The following ELOVL6 variants were observed in gnomAD, a reference collection of about 807,000 sequenced individuals.
ELOVL6 encodes the protein very long chain fatty acid elongase 6.
In ELOVL6, 8 loss-of-function variants were observed where a neutral mutation model predicts 31.7. The ratio of observed to expected loss-of-function variants is 0.25; its 90% CI spans 0.15 to 0.45. ELOVL6 has a LOEUF of 0.45. Among genes scored for constraint, ELOVL6 ranks in the 20% least tolerant of loss-of-function variants. ELOVL6 has a pLI of 1.00. For missense variants in ELOVL6, 126 were observed against 326.4 expected (o/e 0.39, Z 4.73); for synonymous variants, 101 against 117.7 (o/e 0.86, Z 0.92).
chr4:110,141,784 T>G (rs1181460004), intron 1 of ELOVL6, among the ~76,000 whole-genome samples: 3 of 146,472 alleles, frequency 2.0e-5, no homozygotes, highest in African/African-American at 7.5e-5. Flanking sequence ...ACAGTATATA[T>G]GTATATATAC....
intron 1 of ELOVL6, chr4:110,117,814 G>T (rs1331778255): frequency 1.6e-5 from 2 of 124,832 alleles, no homozygotes; most frequent in African/African-American, 3.0e-5. Context: ...CCCGGGAGGC[G>T]GAGCTTACAG....
intron 1 of ELOVL6, among the ~76,000 whole-genome samples, chr4:110,144,606 C>T (rs141753556): frequency 3.9e-5 from 6 of 152,130 alleles, no homozygotes; most frequent in African/African-American, 1.2e-4. Flanking sequence ...CTCTTTCCAA[C>T]TTTACACTGG....
At chr4:110,159,876 A>G (rs1265228746) in intron 1 of ELOVL6, among the ~76,000 whole-genome samples, 1 of 152,188 alleles carries the variant, frequency 6.6e-6, no homozygotes, top group African/African-American at 2.4e-5. Flanking sequence ...TTTTTCCGTT[A>G]TGAGTATATT....
chr4:110,073,177 A>T (rs57700461), intron 2 of ELOVL6, among the ~76,000 whole-genome samples: 2,160 of 152,280 alleles, frequency 0.014, 57 homozygotes, highest in African/African-American at 0.048. Flanking sequence ...AAATCTATGT[A>T]TACCTTTATC....
intron 2 of ELOVL6, among the ~76,000 whole-genome samples, chr4:110,060,812 A>G (rs1028491031): frequency 9.9e-5 from 15 of 152,232 alleles, no homozygotes; most frequent in Non-Finnish European, 1.5e-4. Flanking sequence ...TGAGAGATCA[A>G]TGAATGAACA....
intron 1 of ELOVL6, among the ~76,000 whole-genome samples, chr4:110,152,047 T>A (rs1046106163): frequency 6.6e-6 from 1 of 152,046 alleles, no homozygotes; most frequent in Non-Finnish European, 1.5e-5. Flanking sequence ...TAAAAGGGAG[T>A]TTAATACAGA....
In ELOVL6 at chr4:110,165,245, T is replaced by C. The variant is rs553527442; in HGVS notation, c.89+33002A>G. Among the ~76,000 whole-genome samples, 4 of 152,340 alleles carry C rather than the reference T, an allele frequency of 2.6e-5. No individual in the cohort carries two copies. In the South Asian group the frequency reaches 8.3e-4, roughly 32 times the overall value. The stretch of plus-strand genomic sequence containing the variant: ...AGAAAACAATACCAGGGCACCTGTT[T>C]AGTGGAACCATGTGCTATTGCCATT... On this transcript the variant is annotated intron_variant, in intron 1 of 3. Coordinates refer to ENST00000302274, the MANE Select transcript of ELOVL6 (RefSeq NM_024090.3).
intron 1 of ELOVL6, among the ~76,000 whole-genome samples, chr4:110,121,857 A>G (rs1757367582): frequency 6.7e-6 from 1 of 150,024 alleles, no homozygotes; most frequent in Non-Finnish European, 1.5e-5. Flanking sequence ...ATTTTTGGAC[A>G]TAGAGAGAAA....
chr4:110,081,168 C>T (rs1275330146), intron 2 of ELOVL6, among the ~76,000 whole-genome samples: 3 of 152,108 alleles, frequency 2.0e-5, no homozygotes, highest in Non-Finnish European at 2.9e-5. Flanking sequence ...CCATACTGCC[C>T]AAGGTAATTT....
In ELOVL6 at chr4:110,095,549, C is replaced by T. The variant is rs143005489; in HGVS notation, c.221+9948G>A. Among the ~76,000 whole-genome samples the T allele has an allele frequency of 8.5e-3, 1,282 of 150,334 alleles. 22 individuals are homozygous for T. The highest frequency in any genetic ancestry group is 0.03 in the African/African-American group (1,203 of 40,764). On this transcript the variant is annotated intron_variant, in intron 2 of 3. Transcript: ENST00000302274. Reference sequence around the variant, plus strand: ...TGTGTCTGTTTTGCAGGAAAAGATTCGATATACCATGTTGGCTTGGATAGA... The same window carrying T: ...TGTGTCTGTTTTGCAGGAAAAGATTTGATATACCATGTTGGCTTGGATAGA...
At chr4:110,184,022 ATCTC>A (rs1315236486) in intron 1 of ELOVL6, among the ~76,000 whole-genome samples, 1 of 152,164 alleles carries the variant, frequency 6.6e-6, no homozygotes, top group Non-Finnish European at 1.5e-5. Context: ...TAAAAAAATC[ATCTC>A]TCTCTGATTG....
chr4:110,128,051 A>AAAAAAGT (rs893346993), intron 1 of ELOVL6, among the ~76,000 whole-genome samples: 1 of 152,024 alleles, frequency 6.6e-6, no homozygotes, highest in South Asian at 2.1e-4. Context: ...CAAAAAAAAA[A>AAAAAAGT]AAAAAGTAAA....
chr4:110,108,502 C>G (rs892437450), intron 1 of ELOVL6, among the ~76,000 whole-genome samples: 1 of 152,206 alleles, frequency 6.6e-6, no homozygotes, highest in African/African-American at 2.4e-5. Context: ...CACAAGAGCT[C>G]TCTTTACAAA....
At chr4:110,125,897 A>AAAG (rs1757477733) in intron 1 of ELOVL6, among the ~76,000 whole-genome samples, 2 of 152,210 alleles carry the variant, frequency 1.3e-5, no homozygotes, top group South Asian at 4.1e-4. Context: ...TGGGTTATAA[A>AAAG]AAGAATGTTT....
At chr4:110,119,230 G>A (rs111373673) in intron 1 of ELOVL6, among the ~76,000 whole-genome samples, 9 of 152,072 alleles carry the variant, frequency 5.9e-5, no homozygotes, top group Non-Finnish European at 1.2e-4. Flanking sequence ...CCAGTATGTA[G>A]AGGTTGCAGT....
At chr4:110,153,011 A>G (rs1758322435) in intron 1 of ELOVL6, among the ~76,000 whole-genome samples, 1 of 152,210 alleles carries the variant, frequency 6.6e-6, no homozygotes, top group South Asian at 2.1e-4. Context: ...CAGGAATGAC[A>G]CAGTAGTTGA....
intron 1 of ELOVL6, among the ~76,000 whole-genome samples, chr4:110,110,349 A>G (rs1029464947): frequency 2.7e-5 from 4 of 150,722 alleles, no homozygotes. Context: ...ATTCTGCAAG[A>G]CTTCATATAG....
chr4:110,141,700 G>A (rs1301345088), intron 1 of ELOVL6, among the ~76,000 whole-genome samples: 1 of 146,772 alleles, frequency 6.8e-6, no homozygotes, highest in Non-Finnish European at 1.5e-5. Flanking sequence ...TATATATATT[G>A]TATTGTATTA....
chr4:110,095,807 G>GA (rs72616584), intron 2 of ELOVL6, among the ~76,000 whole-genome samples: 34,236 of 152,048 alleles, frequency 0.23, 4,446 homozygotes, highest in East Asian at 0.47. Context: ...GTCCAGGGTG[G>GA]AACAGGTGTA....
Sources: allele counts gnomAD v4.1 joint callset (sites outside exome capture counted in the v4.1 genomes callset), GRCh38; gene constraint gnomAD v4.1.1; transcripts MANE v1.5; gene names NCBI Gene and HGNC (gene_info 2026-07-23, HGNC 2026-07-21).